The following ERC1 variants were observed in gnomAD, a reference collection of about 807,000 sequenced individuals.
ERC1 encodes RAB6 interacting protein 2.
Under a neutral mutation model 132.0 loss-of-function variants are expected in ERC1, and 56 were observed. That is an observed-to-expected ratio of 0.42 (90% confidence interval 0.34 to 0.53). The LOEUF (loss-of-function observed/expected upper bound fraction) is 0.53, where lower values mean the gene tolerates loss of function less well. ERC1 is among the 20% of genes least tolerant of loss of function. The pLI, the probability that ERC1 is intolerant of heterozygous loss-of-function variation, is 0.03. For synonymous variants in ERC1, 478 were observed against 476.1 expected, an observed-to-expected ratio of 1.00 and a Z score of -0.05; for missense variants, 1,202 against 1,349.9, an observed-to-expected ratio of 0.89 and a Z score of 1.72.
intron 18 of ERC1, among the ~76,000 whole-genome samples, chr12:1,460,875 A>G (rs1262364493): frequency 1.3e-5 from 2 of 151,790 alleles, no homozygotes; most frequent in East Asian, 3.8e-4. Context: ...GAAAAGGGGA[A>G]GAAAGGAGGA....
rs1414233251 is a variant in ERC1, at chr12:1,400,923, T to A, written c.2926-7226T>A. Among the ~76,000 whole-genome samples, 207 of 60,820 alleles carry A rather than the reference T, an allele frequency of 3.4e-3. 5 individuals carry two copies. Among genetic ancestry groups the A allele is most frequent in the Middle Eastern group, 8.9e-3 (1 of 112 alleles). The allele number at this position is 60,820 out of a possible 152,430, so 39.9% of individuals were successfully genotyped here. ...TGTTTTGGCTATTTTTGTATTTTTT[T>A]TTTTTTTTTTTTTTTTTTTTTTTTT... On this transcript the variant is annotated intron_variant, in intron 16 of 18. Transcript: ENST00000360905.
chr12:1,238,946 A>G (rs1003726355), intron 13 of ERC1, among the ~76,000 whole-genome samples: 21 of 152,232 alleles, frequency 1.4e-4, no homozygotes, highest in African/African-American at 4.8e-4. Context: ...GATAGATACC[A>G]AAGTTATGAA....
chr12:1,277,799 A>T (rs1298167609), intron 14 of ERC1, among the ~76,000 whole-genome samples: 1 of 152,224 alleles, frequency 6.6e-6, no homozygotes, highest in African/African-American at 2.4e-5. Flanking sequence ...CTTCATTTTT[A>T]AAATGTAAGA....
chr12:1,202,883 A>G (rs1011282240), intron 12 of ERC1, among the ~76,000 whole-genome samples: 3 of 152,180 alleles, frequency 2.0e-5, no homozygotes, highest in Non-Finnish European at 2.9e-5. Context: ...GTCACAACCA[A>G]TGAGATAGAA....
chr12:1,494,010 T>A lies in ERC1; in HGVS notation c.*3780T>A, dbSNP rs2094341390. On this transcript the variant is annotated 3_prime_UTR_variant, in exon 19 of 19. Coordinates refer to ENST00000360905, the MANE Select transcript of ERC1 (RefSeq NM_178040.4). ...CAGAGTCCTGTTCCTCCCAGAACCA[T>A]CCCGCCCTCCTGTTGACCATGTTAC... is the stretch of plus-strand genomic sequence containing the variant. The A allele has an allele frequency of 4.3e-6, 1 of 232,276 alleles. No homozygotes were observed. Among genetic ancestry groups the A allele is most frequent in the South Asian group, 1.8e-4 (1 of 5,526 alleles). 14.4% of individuals were successfully genotyped at this position (232,276 alleles called of 1,614,324 possible). A position where few individuals can be genotyped will look rare whatever the true frequency, so the allele number is the denominator to read the frequency against.
chr12:1,023,542 A>G (rs1033139774), intron 1 of ERC1, among the ~76,000 whole-genome samples: 6 of 152,184 alleles, frequency 3.9e-5, no homozygotes, highest in African/African-American at 1.4e-4. Context: ...GAAGTGGGAT[A>G]CATAGTTTTG....
At chr12:1,098,638 G>A (rs987426091) in intron 3 of ERC1, among the ~76,000 whole-genome samples, 13 of 152,214 alleles carry the variant, frequency 8.5e-5, no homozygotes, top group African/African-American at 3.1e-4. Flanking sequence ...CAGATGATGG[G>A]TGAGATTGAA....
intron 2 of ERC1, among the ~76,000 whole-genome samples, chr12:1,030,467 A>T (rs772158863): frequency 8.5e-5 from 13 of 152,128 alleles, no homozygotes; most frequent in Non-Finnish European, 1.6e-4. Flanking sequence ...TCGCACCTGT[A>T]CTCCCAGCAC....
At chr12:1,223,253 G>A (rs1282676413) in intron 12 of ERC1, among the ~76,000 whole-genome samples, 1 of 152,170 alleles carries the variant, frequency 6.6e-6, no homozygotes, top group Non-Finnish European at 1.5e-5. Context: ...TGGGAGTTAG[G>A]AGCATCCATA....
intron 12 of ERC1, among the ~76,000 whole-genome samples, chr12:1,201,460 A>G (rs1474519450): frequency 6.6e-6 from 1 of 152,194 alleles, no homozygotes; most frequent in African/African-American, 2.4e-5. Context: ...ACGTGTAGTA[A>G]CCAAGTGAAT....
At chr12:1,147,979 A>G (rs531533206) in intron 8 of ERC1, among the ~76,000 whole-genome samples, 4 of 152,200 alleles carry the variant, frequency 2.6e-5, no homozygotes, top group Admixed American at 6.5e-5. Flanking sequence ...TATAAGGATT[A>G]CTTCATTTAA....
chr12:1,377,563 G>T (rs2088095709), intron 16 of ERC1, among the ~76,000 whole-genome samples: 1 of 152,124 alleles, frequency 6.6e-6, no homozygotes, highest in Non-Finnish European at 1.5e-5. Flanking sequence ...TTTATTTAGG[G>T]TTATTTTACT....
intron 12 of ERC1, among the ~76,000 whole-genome samples, chr12:1,229,059 T>C (rs80163054): frequency 0.04 from 6,149 of 152,298 alleles, 196 homozygotes; most frequent in Middle Eastern, 0.085. Context: ...CCTCTTTAAT[T>C]CTTTGGATGA....
At chr12:1,322,799 C>G (rs1369602454) in intron 15 of ERC1, among the ~76,000 whole-genome samples, 2 of 152,134 alleles carry the variant, frequency 1.3e-5, no homozygotes, top group Non-Finnish European at 2.9e-5. Flanking sequence ...GGTTCTCCAG[C>G]CTGGCGACCT....
At chr12:1,198,721 AC>A (rs1458423819) in intron 12 of ERC1, among the ~76,000 whole-genome samples, 1 of 152,220 alleles carries the variant, frequency 6.6e-6, no homozygotes, top group African/African-American at 2.4e-5. Context: ...CAGGAAACTT[AC>A]AGTCATAGCA....
intron 13 of ERC1, among the ~76,000 whole-genome samples, chr12:1,239,778 G>C (rs34530934): frequency 0.053 from 8,133 of 152,228 alleles, 469 homozygotes; most frequent in African/African-American, 0.15. Context: ...ACTCATTCCA[G>C]GATTAGAGCA....
chr12:1,408,144 C>T lies in ERC1; in HGVS notation c.2926-5C>T. ...AATTTAACCTTATGAATAATTTCTT[C>T]CTAGACGCAAAATCGAATGAAGCTA... On this transcript the variant is annotated splice_polypyrimidine_tract_variant and splice_region_variant and intron_variant, in intron 16 of 18. Coordinates refer to ENST00000360905, the MANE Select transcript of ERC1 (RefSeq NM_178040.4). 1.9e-6 allele frequency: 3 copies of T among 1,609,408 alleles called. No homozygotes were observed. The highest frequency in any genetic ancestry group is 1.7e-6 in the Non-Finnish European group (2 of 1,175,992).
intron 12 of ERC1, among the ~76,000 whole-genome samples, chr12:1,196,721 C>T (rs1566212074): frequency 1.3e-5 from 2 of 151,130 alleles, no homozygotes; most frequent in Non-Finnish European, 2.9e-5. Flanking sequence ...TCTTGAACTC[C>T]TGGGCTCAAG....
intron 12 of ERC1, among the ~76,000 whole-genome samples, chr12:1,227,584 T>C (rs573853125): frequency 6.6e-6 from 1 of 152,356 alleles, no homozygotes; most frequent in East Asian, 1.9e-4. Flanking sequence ...GCAAGCATTT[T>C]TTCCCATTCT....
Sources: gnomAD v4.1 joint callset for allele counts (sites outside exome capture counted in the v4.1 genomes callset) on GRCh38, gnomAD v4.1.1 for gene constraint, MANE v1.5 for transcripts, NCBI Gene and HGNC (gene_info 2026-07-23, HGNC 2026-07-21) for gene names.